ERMP1: variants seen among roughly 807,000 people sequenced by gnomAD.
The protein encoded by ERMP1 is endoplasmic reticulum metallopeptidase 1, also known as Felix-ina.
ERMP1 carries 86 observed loss-of-function variants against 92.0 expected under a neutral mutation model. The observed-to-expected ratio is 0.93, with a 90% CI of 0.79 to 1.12. The LOEUF (loss-of-function observed/expected upper bound fraction) is 1.12. ERMP1 is among the 50% of genes most tolerant of loss of function. ERMP1 has a pLI of 0.00. For synonymous variants in ERMP1, 530 were observed against 412.8 expected, an observed-to-expected ratio of 1.28 and a Z score of -3.44; for missense variants, 1,342 against 1,116.3, an observed-to-expected ratio of 1.20 and a Z score of -2.88.
At chr9:5,802,431 C>A (rs1018661180) in intron 10 of ERMP1, among the ~76,000 whole-genome samples, 1 of 152,168 alleles carries the variant, frequency 6.6e-6, no homozygotes, top group Non-Finnish European at 1.5e-5. Flanking sequence ...GTCACCCAGG[C>A]TGGAGTGCAG....
chr9:5,825,322 T>C (rs999645111), intron 2 of ERMP1, 103 bp from the exon 3 acceptor site: 26 of 1,107,324 alleles, frequency 2.3e-5, no homozygotes, highest in African/African-American at 2.2e-4. Flanking sequence ...AGCATCACAA[T>C]AGCTGCATGA....
intron 5 of ERMP1, among the ~76,000 whole-genome samples, chr9:5,862,314 G>A (rs1830523409): frequency 6.6e-6 from 1 of 152,026 alleles, no homozygotes; most frequent in Non-Finnish European, 1.5e-5. Context: ...TTACAGACAT[G>A]AGCCACCATG....
intron 4 of ERMP1, among the ~76,000 whole-genome samples, chr9:5,821,408 A>G (rs1280507478): frequency 1.3e-5 from 2 of 152,200 alleles, no homozygotes; most frequent in African/African-American, 4.8e-5. Context: ...CTTTCAGATA[A>G]TGTAATTATT....
At position 5,838,612 on chromosome 9, in the gene ERMP1, T is replaced by A. The variant is rs554648998; in HGVS notation, n.3200-5300A>T. 2.6e-5 allele frequency among the ~76,000 whole-genome samples: 4 copies of A among 152,124 alleles called. No individual in the cohort carries two copies. In the South Asian group the frequency reaches 6.2e-4, roughly 24 times the overall value. The stretch of plus-strand genomic sequence containing the variant: ...TGTAGACATCTATCAAAGGTGTGAT[T>A]TCAAAAAATGCAAAAGGATACTCAT... On this transcript the variant is annotated intron_variant and non_coding_transcript_variant, in intron 6 of 6. Coordinates refer to the ERMP1 transcript ENST00000690753.
rs181521032 is a variant in ERMP1 at position 5,790,562 on chromosome 9, A to G, written c.2387-2969T>C. On this transcript the variant is annotated intron_variant, in intron 13 of 14. Transcript: ENST00000339450. ...TTTCCTGAATACAGAGAGATACAGA[A>G]AGGGTAAATAAAGGTATGAACAAAG... is the stretch of plus-strand genomic sequence containing the variant. Among the ~76,000 whole-genome samples the G allele has an allele frequency of 1.5e-3, 234 of 152,378 alleles. 1 individual carries two copies. The highest frequency in any genetic ancestry group is 6.8e-3 in the Middle Eastern group (2 of 294).
chr9:5,840,534 G>A (rs1449105401), intron 6 of ERMP1, among the ~76,000 whole-genome samples: 6 of 152,092 alleles, frequency 3.9e-5, no homozygotes, highest in Non-Finnish European at 5.9e-5. Flanking sequence ...GCCCCTCCCC[G>A]GCCCCCAGGG....
chr9:5,822,384 A>G (rs565902988), intron 4 of ERMP1, among the ~76,000 whole-genome samples: 61 of 152,314 alleles, frequency 4.0e-4, no homozygotes, highest in Admixed American at 1.6e-3. Context: ...TGAGAATTGA[A>G]AACAGAACCT....
chr9:5,833,148 A>T (rs1049449890), upstream of ERMP1: 2 of 907,874 alleles, frequency 2.2e-6, no homozygotes, highest in Non-Finnish European at 3.1e-6. Flanking sequence ...AGAGGGCCAA[A>T]CTTCTTCTGA....
At position 5,785,559 on chromosome 9, in the gene ERMP1, A is replaced by G. The variant is rs1271751685; in HGVS notation, c.*1585T>C. 1 of 152,478 alleles carries G rather than the reference A, an allele frequency of 6.6e-6. No individual in the cohort carries two copies. The highest frequency in any genetic ancestry group is 1.5e-5 in the Non-Finnish European group (1 of 68,046). The allele number at this position is 152,478 out of a possible 1,614,324, so 9.4% of individuals were successfully genotyped here. The stretch of plus-strand genomic sequence containing the variant: ...TTCAGCTCTGGTTGCAGCCCCATCT[A>G]CATGGGCCCAGTTAGTTTTTAGGGA... On this transcript the variant is annotated 3_prime_UTR_variant, in exon 15 of 15. Coordinates refer to ENST00000339450, the MANE Select transcript of ERMP1 (RefSeq NM_024896.3).
intron 4 of ERMP1, among the ~76,000 whole-genome samples, chr9:5,821,684 G>C (rs887877772): frequency 4.6e-5 from 7 of 152,206 alleles, no homozygotes; most frequent in African/African-American, 1.7e-4. Context: ...AAAGGGTGCA[G>C]ATTAAACCAT....
chr9:5,845,375 C>A (rs1056513904), intron 6 of ERMP1, among the ~76,000 whole-genome samples: 2 of 151,868 alleles, frequency 1.3e-5, no homozygotes, highest in African/African-American at 4.8e-5. Flanking sequence ...CCAGCCTGGG[C>A]AACATAGCAA....
intron 5 of ERMP1, among the ~76,000 whole-genome samples, chr9:5,865,627 G>T (rs1045471318): frequency 1.3e-5 from 2 of 151,680 alleles, no homozygotes; most frequent in African/African-American, 4.8e-5. Context: ...GAGGTCAGGA[G>T]TTTGAGACCA....
Position 5,845,452 on chromosome 9 carries a change from G to T in ERMP1, n.3200-12140C>A, listed in dbSNP as rs564657488. 3.3e-5 allele frequency among the ~76,000 whole-genome samples: 5 copies of T among 152,184 alleles called. No individual in the cohort carries two copies. In the East Asian group the frequency reaches 9.7e-4, roughly 29 times the overall value. ...TTAAAGTTTGAGGGAGTGGGGAGGA[G>T]GATGAAGAGAGAGAGAGAATAACTT... On this transcript the variant is annotated intron_variant and non_coding_transcript_variant, in intron 6 of 6. Transcript: ENST00000690753.
rs1328595191 is a variant in ERMP1, at chr9:5,830,821, G to A, written c.546C>T (p.Asn182=). The A allele has an allele frequency of 1.4e-5, 23 of 1,613,952 alleles. No homozygotes were observed. Among genetic ancestry groups the A allele is most frequent in the Non-Finnish European group, 1.9e-5 (22 of 1,179,916 alleles). ...CCAGCTTTACCACAACATTGGTGAT[G>A]TTGTCATAATAGCTTGTAAAACCTC... ...FLGGFTSYYD[N]ITNVVVKLEP... is the part of the protein sequence containing the mutation. Residue 182 remains asparagine (N), a synonymous_variant, in exon 2 of 15, where the codon AAC becomes AAT. Transcript: ENST00000339450.
At chr9:5,797,756 T>C in intron 13 of ERMP1, 61 bp downstream of exon 13, 2 of 986,222 alleles carry the variant, frequency 2.0e-6, no homozygotes, top group South Asian at 1.4e-5. Flanking sequence ...AAAACATACA[T>C]GCCACTTATT....
chr9:5,812,276 C>T (rs1377666080), intron 5 of ERMP1, 59 bp from the exon 6 acceptor site: 16 of 972,718 alleles, frequency 1.6e-5, no homozygotes, highest in East Asian at 7.5e-5. Flanking sequence ...ACCTTGCTTT[C>T]GACCTATTTC....
chr9:5,788,601 A>G (rs922185238), intron 13 of ERMP1, among the ~76,000 whole-genome samples: 4 of 152,210 alleles, frequency 2.6e-5, no homozygotes, highest in African/African-American at 9.6e-5. Context: ...AAAGGAAGCC[A>G]TTGCTAGAAA....
intron 6 of ERMP1, among the ~76,000 whole-genome samples, chr9:5,851,563 C>T (rs990563379): frequency 6.6e-6 from 1 of 152,160 alleles, no homozygotes; most frequent in African/African-American, 2.4e-5. Context: ...CAGGGTGGTG[C>T]TCTCCAAGGG....
chr9:5,791,123 G>T (rs985439934), intron 13 of ERMP1: 2 of 421,946 alleles, frequency 4.7e-6, no homozygotes, highest in African/African-American at 4.1e-5. Flanking sequence ...AACAGTTGAA[G>T]TGAACTTCCT....
Sources: gnomAD v4.1 joint callset for allele counts (sites outside exome capture counted in the v4.1 genomes callset) on GRCh38, gnomAD v4.1.1 for gene constraint, MANE v1.5 for transcripts, NCBI Gene and HGNC (gene_info 2026-07-23, HGNC 2026-07-21) for gene names.